The following PTPN11 variants were observed in gnomAD, a reference collection of about 807,000 sequenced individuals.
The protein encoded by PTPN11 is protein tyrosine phosphatase non-receptor type 11, also known as tyrosine-protein phosphatase non-receptor type 11.
In PTPN11, 6 loss-of-function variants were observed where a neutral mutation model predicts 78.8. That is an observed-to-expected ratio of 0.08 (90% CI 0.04 to 0.15). The LOEUF is 0.15. Ranked by LOEUF, PTPN11 falls within the 10% of genes least tolerant of loss-of-function variation. The pLI, the probability that PTPN11 is intolerant of heterozygous loss-of-function variation, is 1.00. For missense variants in PTPN11, 386 were observed against 744.8 expected (o/e 0.52, Z 5.61); for synonymous variants, 221 against 263.5 (o/e 0.84, Z 1.56).
At chr12:112,458,952 G>A (rs1343929510) in intron 6 of PTPN11, among the ~76,000 whole-genome samples, 11 of 152,018 alleles carry the variant, frequency 7.2e-5, no homozygotes, top group Non-Finnish European at 1.0e-4. Context: ...AGGATTGCTC[G>A]AGCCTGGGAG....
chr12:112,506,976 A>T lies in PTPN11; in HGVS notation c.*1184A>T, dbSNP rs543116936. 1 of 259,278 alleles carries T rather than the reference A, an allele frequency of 3.9e-6. No homozygotes were observed. Among genetic ancestry groups the T allele is most frequent in the Non-Finnish European group, 7.7e-6 (1 of 129,152 alleles). 16.1% of individuals were successfully genotyped at this position (259,278 alleles called of 1,614,324 possible). On this transcript the variant is annotated 3_prime_UTR_variant, in exon 16 of 16. Transcript: ENST00000351677. Reference sequence around the variant, plus strand: ...GATGATGATGATGATGATGATGATGATGATGATGATGATGATGGTTTTTTC... The same window carrying T: ...GATGATGATGATGATGATGATGATGTTGATGATGATGATGATGGTTTTTTC...
chr12:112,431,976 A>G (rs75326242), intron 1 of PTPN11, among the ~76,000 whole-genome samples: 2,609 of 152,282 alleles, frequency 0.017, 37 homozygotes, highest in Non-Finnish European at 0.027. Flanking sequence ...ACATACAGTA[A>G]AGGGTAATTT....
At position 112,504,648 on chromosome 12, in the gene PTPN11, C is replaced by A; in HGVS notation, c.1713-47C>A. ...ATAGATATCATGTAAGCTTAAACAG[C>A]GTGGTCTACATTTTTGTAAATGTCT... On this transcript the variant is annotated intron_variant, in intron 14 of 15. Transcript: ENST00000351677. This position sits in a 1 kb window ranked among gnomAD's most constrained non-coding sequence, Gnocchi z 4.7. 1 of 1,354,034 alleles carries A rather than the reference C, an allele frequency of 7.4e-7. No individual in the cohort carries two copies. The highest frequency in any genetic ancestry group is 1.0e-6 in the Non-Finnish European group (1 of 952,932). 83.9% of individuals were successfully genotyped at this position (1,354,034 alleles called of 1,614,324 possible).
intron 6 of PTPN11, 24 bp from the exon 7 acceptor site, chr12:112,472,920 A>G (rs1426495573): frequency 6.5e-7 from 1 of 1,545,838 alleles, no homozygotes; most frequent in Non-Finnish European, 8.9e-7. Context: ...ACACGTAATA[A>G]TATTGACTTT....
intron 6 of PTPN11, among the ~76,000 whole-genome samples, chr12:112,459,281 G>A (rs898083806): frequency 6.6e-6 from 1 of 152,040 alleles, no homozygotes; most frequent in Non-Finnish European, 1.5e-5. Flanking sequence ...TTTTTAGTGT[G>A]GAAAATTTCT....
chr12:112,443,486 G>T (rs1203727302), intron 1 of PTPN11, among the ~76,000 whole-genome samples: 1 of 151,740 alleles, frequency 6.6e-6, no homozygotes, highest in African/African-American at 2.4e-5. Flanking sequence ...AGCCTCCCGA[G>T]TAACTGGGAT....
At chr12:112,498,687 T>C (rs1005402412) in intron 13 of PTPN11, among the ~76,000 whole-genome samples, 1 of 152,194 alleles carries the variant, frequency 6.6e-6, no homozygotes, top group African/African-American at 2.4e-5. Flanking sequence ...TGGGTGGAGA[T>C]AGATCAATTT....
intron 1 of PTPN11, among the ~76,000 whole-genome samples, chr12:112,444,559 C>G (rs999684311): frequency 1.3e-5 from 2 of 151,976 alleles, no homozygotes; most frequent in African/African-American, 2.4e-5. Context: ...AGGCTGCTCC[C>G]GAACTCCCGA....
At chr12:112,422,416 C>G (rs1192130744) in intron 1 of PTPN11, among the ~76,000 whole-genome samples, 3 of 152,130 alleles carry the variant, frequency 2.0e-5, no homozygotes, top group African/African-American at 7.2e-5. Context: ...CCCTTTTCTG[C>G]CTTTGTGAAA....
intron 6 of PTPN11, among the ~76,000 whole-genome samples, chr12:112,467,002 A>T (rs1003384063): frequency 6.6e-6 from 1 of 152,026 alleles, no homozygotes; most frequent in South Asian, 2.1e-4. Flanking sequence ...TCTGGGGTCT[A>T]TTTTGGTCAT....
chr12:112,433,957 C>CA (rs1413870064), intron 1 of PTPN11, among the ~76,000 whole-genome samples: 1 of 151,348 alleles, frequency 6.6e-6, no homozygotes, highest in African/African-American at 2.4e-5. Context: ...GACCCTATCT[C>CA]AAAAAAACAA....
intron 13 of PTPN11, among the ~76,000 whole-genome samples, chr12:112,493,119 C>T (rs2038773320): frequency 6.6e-6 from 1 of 151,418 alleles, no homozygotes; most frequent in Non-Finnish European, 1.5e-5. Flanking sequence ...AGTGCAGTGC[C>T]ACAATCTCGG....
chr12:112,482,562 A>G lies in PTPN11; in HGVS notation c.1224+357A>G, dbSNP rs1462191585. On this transcript the variant is annotated intron_variant, in intron 10 of 15. Coordinates refer to ENST00000351677, the MANE Select transcript of PTPN11 (RefSeq NM_002834.5). This position sits in a 1 kb window ranked among gnomAD's most constrained non-coding sequence, Gnocchi z 4.4. The stretch of plus-strand genomic sequence containing the variant: ...CCAGCCCTGGGTGGGAGACTGGGAT[A>G]GGGTGACCTGAGTGGCTACAAGGTC... Among the ~76,000 whole-genome samples the G allele has an allele frequency of 6.6e-6, 1 of 152,172 alleles. No individual in the cohort carries two copies. The highest frequency in any genetic ancestry group is 1.9e-4 in the East Asian group (1 of 5,186).
At chr12:112,419,159 G>A in intron 1 of PTPN11, 34 bp downstream of exon 1, 3 of 1,488,978 alleles carry the variant, frequency 2.0e-6, no homozygotes, top group Non-Finnish European at 2.7e-6. Context: ...CGCGGGCCTC[G>A]GCCCGGCCAC....
chr12:112,477,796 C>T, intron 8 of PTPN11, 61 bp from the exon 9 acceptor site: 1 of 1,608,678 alleles, frequency 6.2e-7, no homozygotes, highest in Non-Finnish European at 8.5e-7. Flanking sequence ...ATTTTAAATC[C>T]TTCCTCATGT....
At chr12:112,469,479 T>A (rs901631326) in intron 6 of PTPN11, among the ~76,000 whole-genome samples, 24 of 152,024 alleles carry the variant, frequency 1.6e-4, no homozygotes, top group African/African-American at 4.8e-4. Context: ...AATGAAAAAA[T>A]TTTTAAAATT....
At chr12:112,421,854 C>T (rs941908341) in intron 1 of PTPN11, among the ~76,000 whole-genome samples, 2 of 152,102 alleles carry the variant, frequency 1.3e-5, no homozygotes, top group Non-Finnish European at 2.9e-5. Context: ...TCTCAAACTC[C>T]CGGGCTCAAG....
chr12:112,486,492 G>C lies in PTPN11; in HGVS notation c.1242G>C (p.Thr414=), dbSNP rs552394167. The C allele has an allele frequency of 7.4e-6, 12 of 1,614,052 alleles. 1 individual carries two copies. The highest frequency in any genetic ancestry group is 6.6e-5 in the South Asian group (6 of 91,070). Reference sequence around the variant, plus strand: ...TACTCCAGGGGAATACGGAGAGAACGGTCTGGCAATACCACTTTCGGACCT... The same window carrying C: ...TACTCCAGGGGAATACGGAGAGAACCGTCTGGCAATACCACTTTCGGACCT... ...SKVGQGNTER[T]VWQYHFRTWP... is the part of the protein sequence containing the mutation. Residue 414 remains threonine, a synonymous_variant, in exon 11 of 16, where the codon ACG becomes ACC. Coordinates refer to ENST00000351677, the MANE Select transcript of PTPN11 (RefSeq NM_002834.5).
intron 6 of PTPN11, 116 bp downstream of exon 6, chr12:112,456,179 T>C (rs1484855222): frequency 1.3e-6 from 1 of 745,358 alleles, no homozygotes; most frequent in Non-Finnish European, 2.4e-6. Flanking sequence ...CGTCCTTTTT[T>C]AATTCGGCCA....
Sources: gnomAD v4.1 joint callset for allele counts (sites outside exome capture counted in the v4.1 genomes callset) on GRCh38, gnomAD v4.1.1 for gene constraint, Gnocchi (gnomAD v3.1) non-coding constraint, MANE v1.5 for transcripts, NCBI Gene and HGNC (gene_info 2026-07-23, HGNC 2026-07-21) for gene names.